Variants in GALNT13 observed in about 807,000 individuals in gnomAD.
GALNT13 encodes polypeptide N-acetylgalactosaminyltransferase 13, also known as UDP-GalNAc:polypeptide N-acetylgalactosaminyltransferase 13.
In GALNT13, 28 loss-of-function variants were observed where a neutral mutation model predicts 64.2. The ratio of observed to expected loss-of-function variants is 0.44; its 90% CI spans 0.32 to 0.60. The LOEUF (loss-of-function observed/expected upper bound fraction) is 0.60. Among genes scored for constraint, GALNT13 ranks in the 20% least tolerant of loss-of-function variants. The probability of loss-of-function intolerance (pLI) is 0.05; values close to 1 mark genes in which losing one functional copy is unlikely to be tolerated. For synonymous variants in GALNT13, 214 were observed against 224.6 expected, an observed-to-expected ratio of 0.95 and a Z score of 0.42; for missense variants, 577 against 669.8, an observed-to-expected ratio of 0.86 and a Z score of 1.53.
the GALNT13 span, among the ~76,000 whole-genome samples, chr2:153,581,507 G>A: frequency 6.6e-6 from 1 of 152,000 alleles, no homozygotes; most frequent in Non-Finnish European, 1.5e-5. Flanking sequence ...ATTGGCATTG[G>A]TTTATAGAAT....
At chr2:153,497,581 A>G in the GALNT13 span, among the ~76,000 whole-genome samples, 1 of 111,534 alleles carries the variant, frequency 9.0e-6, no homozygotes, top group African/African-American at 3.6e-5. Context: ...TCCGTCTCCC[A>G]GGCTGGAATG....
chr2:153,238,297 T>C, the GALNT13 span, among the ~76,000 whole-genome samples: 1 of 152,112 alleles, frequency 6.6e-6, no homozygotes, highest in African/African-American at 2.4e-5. Context: ...CTTCACTTTT[T>C]TGATCATTTA....
intron 1 of GALNT13, among the ~76,000 whole-genome samples, chr2:153,890,846 C>G (rs1207128574): frequency 6.6e-6 from 1 of 152,008 alleles, no homozygotes; most frequent in Non-Finnish European, 1.5e-5. Flanking sequence ...CAGAGCTTTT[C>G]TTTTCCCTTC....
At chr2:153,725,678 C>A in the GALNT13 span, among the ~76,000 whole-genome samples, 1 of 151,960 alleles carries the variant, frequency 6.6e-6, no homozygotes, top group Non-Finnish European at 1.5e-5. Context: ...TGGTCCCATG[C>A]CACCAGCTTC....
chr2:153,785,458 A>C, the GALNT13 span, among the ~76,000 whole-genome samples: 16 of 152,096 alleles, frequency 1.1e-4, no homozygotes, highest in African/African-American at 3.6e-4. Context: ...GCGACTATGG[A>C]CTGGAGCAGA....
the GALNT13 span, among the ~76,000 whole-genome samples, chr2:153,176,121 A>G: frequency 6.6e-6 from 1 of 152,240 alleles, no homozygotes; most frequent in East Asian, 1.9e-4. Context: ...TTCAAGGAAG[A>G]GGAAATAGAT....
At chr2:154,002,632 A>C (rs1223874074) in intron 3 of GALNT13, among the ~76,000 whole-genome samples, 2 of 152,098 alleles carry the variant, frequency 1.3e-5, no homozygotes, top group African/African-American at 4.8e-5. Flanking sequence ...TATGTTATAG[A>C]TCTTTAATTC....
At chr2:153,543,343 C>T in the GALNT13 span, among the ~76,000 whole-genome samples, 1 of 152,076 alleles carries the variant, frequency 6.6e-6, no homozygotes, top group Admixed American at 6.6e-5. Flanking sequence ...GAGTGCATGC[C>T]CTGTGACCAG....
the GALNT13 span, among the ~76,000 whole-genome samples, chr2:153,317,414 T>C: frequency 6.6e-6 from 1 of 152,196 alleles, no homozygotes. Flanking sequence ...ACCCTAAGTG[T>C]AAGGAGAATC....
At chr2:153,735,512 A>G in the GALNT13 span, among the ~76,000 whole-genome samples, 2 of 152,172 alleles carry the variant, frequency 1.3e-5, no homozygotes, top group African/African-American at 2.4e-5. Context: ...GACAGGCACA[A>G]TGAATTTGCT....
the GALNT13 span, among the ~76,000 whole-genome samples, chr2:153,394,970 C>G: frequency 2.2e-4 from 34 of 152,200 alleles, no homozygotes; most frequent in East Asian, 6.2e-3. Context: ...CAAGCTTTCT[C>G]ACTTTGTTGG....
chr2:154,250,285 A>G lies in GALNT13; in HGVS notation c.857+4303A>G, dbSNP rs560711086. Among the ~76,000 whole-genome samples the G allele has an allele frequency of 2.4e-4, 36 of 152,236 alleles. No homozygotes were observed. In the South Asian group the frequency reaches 7.2e-3, roughly 31 times the overall value. On this transcript the variant is annotated intron_variant, in intron 7 of 12. Coordinates refer to ENST00000392825, the MANE Select transcript of GALNT13 (RefSeq NM_052917.4). ...AGAACACCAATGAGCCATCTCTTTT[A>G]GAATTTGGTTGTATTTTCTTCTAAG...
chr2:154,344,924 G>C (rs1695983435), intron 9 of GALNT13, among the ~76,000 whole-genome samples: 1 of 151,920 alleles, frequency 6.6e-6, no homozygotes, highest in Non-Finnish European at 1.5e-5. Flanking sequence ...GGACACCTTA[G>C]GACTCCTCCA....
the GALNT13 span, among the ~76,000 whole-genome samples, chr2:153,647,936 A>C: frequency 1.2e-4 from 19 of 152,154 alleles, no homozygotes; most frequent in South Asian, 4.1e-4. Context: ...TTAGGATTGA[A>C]TTGGCAATGT....
At chr2:153,429,888 CTTAATA>C in the GALNT13 span, among the ~76,000 whole-genome samples, 1 of 152,088 alleles carries the variant, frequency 6.6e-6, no homozygotes, top group Non-Finnish European at 1.5e-5. Flanking sequence ...GCAGTAAGCA[CTTAATA>C]TTTATATCAT....
In GALNT13 at chr2:154,303,007, A is replaced by G. The variant is rs555374684; in HGVS notation, c.1156+1418A>G. Among the ~76,000 whole-genome samples, 7 of 152,312 alleles carry G rather than the reference A, an allele frequency of 4.6e-5. No homozygotes were observed. In the South Asian group the frequency reaches 1.4e-3, roughly 32 times the overall value. Reference sequence around the variant, plus strand: ...CCATTTCGAAATATGGCAAAGAAATATACTTTGGGTTCCTTCTTTATCTGT... The same window carrying G: ...CCATTTCGAAATATGGCAAAGAAATGTACTTTGGGTTCCTTCTTTATCTGT... On this transcript the variant is annotated intron_variant, in intron 9 of 12. Transcript: ENST00000392825.
At chr2:154,266,714 T>A (rs1279591477) in intron 8 of GALNT13, among the ~76,000 whole-genome samples, 1 of 151,794 alleles carries the variant, frequency 6.6e-6, no homozygotes, top group East Asian at 1.9e-4. Context: ...CAATAGCAAG[T>A]GTATTGTATT....
chr2:154,311,814 C>T (rs1178976894), intron 9 of GALNT13, among the ~76,000 whole-genome samples: 1 of 152,160 alleles, frequency 6.6e-6, no homozygotes, highest in South Asian at 2.1e-4. Flanking sequence ...TTCTCAGGGA[C>T]GTTCCATGCT....
the GALNT13 span, among the ~76,000 whole-genome samples, chr2:153,561,775 G>T: frequency 6.6e-6 from 1 of 151,972 alleles, no homozygotes; most frequent in East Asian, 1.9e-4. Flanking sequence ...AAAGGTAATG[G>T]TGCTAGGGTG....
Sources: allele counts gnomAD v4.1 joint callset (sites outside exome capture counted in the v4.1 genomes callset), GRCh38; gene constraint gnomAD v4.1.1; transcripts MANE v1.5; gene names NCBI Gene and HGNC (gene_info 2026-07-23, HGNC 2026-07-21).